EPHA6: variants seen among roughly 807,000 people sequenced by gnomAD.
The protein encoded by EPHA6 is EPH receptor A6, also known as ephrin type-A receptor 6.
A neutral mutation model predicts 112.0 loss-of-function variants in EPHA6; 50 were observed. The observed-to-expected ratio is 0.45, with a 90% confidence interval of 0.36 to 0.56. The LOEUF is 0.56. Ranked by LOEUF, EPHA6 falls within the 20% of genes least tolerant of loss-of-function variation. EPHA6 has a pLI of 0.00. For missense variants in EPHA6, 1,280 were observed against 1,417.4 expected (o/e 0.90, Z 1.56); for synonymous variants, 529 against 490.7 (o/e 1.08, Z -1.03).
intron 4 of EPHA6, among the ~76,000 whole-genome samples, chr3:97,236,902 G>A (rs796850771): frequency 2.6e-5 from 4 of 151,948 alleles, no homozygotes; most frequent in African/African-American, 7.2e-5. Context: ...CCACATCGCC[G>A]CTCCTAGGTA....
chr3:97,385,503 G>C lies in EPHA6; in HGVS notation c.1607-19647G>C, dbSNP rs76918770. 2.6e-5 allele frequency among the ~76,000 whole-genome samples: 4 copies of C among 152,338 alleles called. No homozygotes were observed. In the East Asian group the frequency reaches 7.7e-4, roughly 29 times the overall value. Reference sequence around the variant, plus strand: ...ATCATAAGGTGAAAAGAGGTAAGAAGTTTAGACCCAGGTTTGTTTCAAAGA... The same window carrying C: ...ATCATAAGGTGAAAAGAGGTAAGAACTTTAGACCCAGGTTTGTTTCAAAGA... On this transcript the variant is annotated intron_variant, in intron 5 of 17. Coordinates refer to ENST00000389672, the MANE Select transcript of EPHA6 (RefSeq NM_001080448.3).
At chr3:97,152,874 A>G (rs2076202357) in intron 3 of EPHA6, among the ~76,000 whole-genome samples, 3 of 152,080 alleles carry the variant, frequency 2.0e-5, no homozygotes, top group South Asian at 4.1e-4. Flanking sequence ...TTCGTTAATT[A>G]CTCTTATCCT....
chr3:97,105,294 G>A (rs1576496808), intron 3 of EPHA6, among the ~76,000 whole-genome samples: 2 of 152,062 alleles, frequency 1.3e-5, no homozygotes, highest in Admixed American at 6.6e-5. Flanking sequence ...TCTTAACACT[G>A]TCTTAGCCCC....
At chr3:97,143,719 A>C (rs1488568112) in intron 3 of EPHA6, among the ~76,000 whole-genome samples, 4 of 151,722 alleles carry the variant, frequency 2.6e-5, no homozygotes, top group African/African-American at 9.7e-5. Flanking sequence ...TTCATGTTGT[A>C]TGATTCCAGA....
intron 1 of EPHA6, among the ~76,000 whole-genome samples, chr3:96,822,955 A>G (rs2033381446): frequency 1.3e-5 from 2 of 151,522 alleles, no homozygotes; most frequent in African/African-American, 4.8e-5. Flanking sequence ...TTATATTTAG[A>G]TGTATTTAAA....
At chr3:97,595,005 T>C (rs1391575941) in intron 12 of EPHA6, among the ~76,000 whole-genome samples, 1 of 152,230 alleles carries the variant, frequency 6.6e-6, no homozygotes, top group Non-Finnish European at 1.5e-5. Context: ...CATAATCAAA[T>C]TTAAAAGAGA....
intron 13 of EPHA6, among the ~76,000 whole-genome samples, chr3:97,634,669 C>G (rs374800006): frequency 1.3e-5 from 2 of 152,032 alleles, no homozygotes; most frequent in Admixed American, 6.6e-5. Context: ...CCCCTTTACA[C>G]GAGCAGCCTG....
At chr3:97,529,465 T>G (rs1449597201) in intron 10 of EPHA6, among the ~76,000 whole-genome samples, 2 of 152,108 alleles carry the variant, frequency 1.3e-5, no homozygotes, top group African/African-American at 4.8e-5. Context: ...ACAGTATTCC[T>G]ATAGTTGATG....
intron 1 of EPHA6, among the ~76,000 whole-genome samples, chr3:96,838,358 G>A (rs551756212): frequency 2.6e-5 from 4 of 152,124 alleles, no homozygotes; most frequent in South Asian, 4.1e-4. Context: ...TTCAGTGAAC[G>A]TACACAGGCA....
At chr3:97,169,258 A>G (rs1328849980) in intron 3 of EPHA6, among the ~76,000 whole-genome samples, 1 of 152,198 alleles carries the variant, frequency 6.6e-6, no homozygotes, top group Non-Finnish European at 1.5e-5. Flanking sequence ...CAATCAAATC[A>G]CATTCAATGT....
intron 13 of EPHA6, among the ~76,000 whole-genome samples, 192 bp downstream of exon 13, chr3:97,611,046 C>T (rs943837756): frequency 1.3e-5 from 2 of 151,626 alleles, no homozygotes; most frequent in Non-Finnish European, 3.0e-5. Context: ...GATGTACACT[C>T]AATAACGTAA....
At chr3:97,563,006 A>G (rs181081821) in intron 11 of EPHA6, among the ~76,000 whole-genome samples, 1 of 152,288 alleles carries the variant, frequency 6.6e-6, no homozygotes, top group Non-Finnish European at 1.5e-5. Context: ...CACTTAATAA[A>G]CTACAGTATA....
At chr3:96,922,363 G>A (rs1559833650) in intron 2 of EPHA6, among the ~76,000 whole-genome samples, 2 of 152,126 alleles carry the variant, frequency 1.3e-5, no homozygotes, top group Non-Finnish European at 2.9e-5. Context: ...AAATGATTGA[G>A]GGAAAGAACT....
intron 6 of EPHA6, among the ~76,000 whole-genome samples, chr3:97,445,764 G>GA (rs574858841): frequency 6.6e-6 from 1 of 151,228 alleles, no homozygotes; most frequent in Non-Finnish European, 1.5e-5. Flanking sequence ...GCTTGATCAT[G>GA]AAAAAAAGAA....
chr3:97,155,686 A>G (rs1454786228), intron 3 of EPHA6, among the ~76,000 whole-genome samples: 1 of 152,096 alleles, frequency 6.6e-6, no homozygotes, highest in African/African-American at 2.4e-5. Context: ...TGTTGGTAGA[A>G]TTACTTCCCT....
At chr3:97,651,955 C>A (rs773299195) in intron 14 of EPHA6, among the ~76,000 whole-genome samples, 1 of 151,882 alleles carries the variant, frequency 6.6e-6, no homozygotes, top group Non-Finnish European at 1.5e-5. Context: ...ATCCCACCAC[C>A]CAGGTAGTGA....
intron 2 of EPHA6, among the ~76,000 whole-genome samples, chr3:96,891,622 T>G (rs1019334627): frequency 6.6e-6 from 1 of 152,068 alleles, no homozygotes; most frequent in African/African-American, 2.4e-5. Flanking sequence ...GGCAAGAGAA[T>G]TGCTTGAACC....
chr3:97,088,374 T>C (rs1438817874), intron 3 of EPHA6, among the ~76,000 whole-genome samples: 1 of 152,058 alleles, frequency 6.6e-6, no homozygotes, highest in Non-Finnish European at 1.5e-5. Context: ...TTTTGGCAAA[T>C]ACTGAGCAAG....
chr3:97,010,151 T>G, intron 3 of EPHA6: 1 of 1,158,774 alleles, frequency 8.6e-7, no homozygotes, highest in Non-Finnish European at 1.1e-6. Context: ...TTGTTTTTAT[T>G]TTGTTGTGTT....
Sources: allele counts gnomAD v4.1 joint callset (sites outside exome capture counted in the v4.1 genomes callset), GRCh38; gene constraint gnomAD v4.1.1; transcripts MANE v1.5; gene names NCBI Gene and HGNC (gene_info 2026-07-23, HGNC 2026-07-21).